The following CLASP2 variants were observed in gnomAD, a reference collection of about 807,000 sequenced individuals.
CLASP2 encodes the protein cytoplasmic linker associated protein 2.
A neutral mutation model predicts 194.4 loss-of-function variants in CLASP2; 47 were observed. The ratio of observed to expected loss-of-function variants is 0.24; its 90% CI spans 0.19 to 0.31. CLASP2 has a LOEUF of 0.31. Ranked by LOEUF, CLASP2 falls within the 10% of genes least tolerant of loss-of-function variation. The probability of loss-of-function intolerance (pLI) is 1.00; values close to 1 mark genes in which losing one functional copy is unlikely to be tolerated. For missense variants in CLASP2, 1,445 were observed against 1,823.6 expected (o/e 0.79, Z 3.78); for synonymous variants, 619 against 633.5 (o/e 0.98, Z 0.34).
chr3:33,608,142 A>T (rs1473603490), intron 14 of CLASP2, among the ~76,000 whole-genome samples: 1 of 152,192 alleles, frequency 6.6e-6, no homozygotes. Flanking sequence ...ATACTTGACC[A>T]ATGACATCTG....
intron 6 of CLASP2, among the ~76,000 whole-genome samples, chr3:33,676,484 A>G (rs1267571010): frequency 2.0e-5 from 3 of 150,840 alleles, no homozygotes; most frequent in Non-Finnish European, 4.4e-5. Context: ...CGGTGCTGGG[A>G]AAACTGGCTA....
rs144572034 is a variant in CLASP2 at position 33,530,462 on chromosome 3, C to T, written c.3787+4771G>A. Among the ~76,000 whole-genome samples, 568 of 152,044 alleles carry T rather than the reference C, an allele frequency of 3.7e-3. 11 individuals carry two copies. Among genetic ancestry groups the T allele is most frequent in the African/African-American group, 0.013 (520 of 41,468 alleles). ...TCCAGCCTAGGTGACAGAGTAAGAC[C>T]CTGTCTCAAAAATAAATAAACAAAT... is the stretch of plus-strand genomic sequence containing the variant. On this transcript the variant is annotated intron_variant, in intron 34 of 38. Coordinates refer to ENST00000682230, the MANE Select transcript of CLASP2 (RefSeq NM_001365631.1).
intron 10 of CLASP2, among the ~76,000 whole-genome samples, chr3:33,625,070 T>C (rs933963072): frequency 2.0e-5 from 3 of 151,472 alleles, no homozygotes; most frequent in African/African-American, 7.3e-5. Flanking sequence ...CCTACAAAAA[T>C]AAAAGCACCA....
intron 21 of CLASP2, among the ~76,000 whole-genome samples, chr3:33,589,424 A>AT (rs1368451986): frequency 6.6e-6 from 1 of 152,124 alleles, no homozygotes; most frequent in East Asian, 1.9e-4. Flanking sequence ...GCCCTAATGA[A>AT]TTACTTTATG....
intron 12 of CLASP2, among the ~76,000 whole-genome samples, chr3:33,615,612 G>C (rs1577234313): frequency 6.7e-6 from 1 of 149,224 alleles, no homozygotes. Flanking sequence ...TAAAACATAA[G>C]CTAGATTTAG....
chr3:33,567,147 CT>C (rs1162159338), intron 26 of CLASP2, among the ~76,000 whole-genome samples: 7 of 152,038 alleles, frequency 4.6e-5, no homozygotes, highest in East Asian at 1.9e-4. Context: ...TTTCTTTTCT[CT>C]TTTTTTTCCT....
At chr3:33,592,833 T>C (rs1369355313) in intron 20 of CLASP2, among the ~76,000 whole-genome samples, 2 of 152,210 alleles carry the variant, frequency 1.3e-5, no homozygotes, top group Non-Finnish European at 2.9e-5. Context: ...TCAGTTTCCA[T>C]GAAGTTCAGA....
chr3:33,607,532 T>C (rs1204011927), intron 14 of CLASP2, 71 bp from the exon 15 acceptor site: 11 of 989,136 alleles, frequency 1.1e-5, no homozygotes, highest in Non-Finnish European at 1.6e-5. Flanking sequence ...ACTTAAGGCC[T>C]ATATGTTACA....
At chr3:33,573,435 TTGA>T (rs1279792867) in intron 24 of CLASP2, 81 bp from the exon 25 acceptor site, 9 of 1,404,612 alleles carry the variant, frequency 6.4e-6, no homozygotes, top group Non-Finnish European at 8.9e-6. Context: ...CACAAAAGGA[TTGA>T]TTTTTGTTTT....
chr3:33,587,898 A>G (rs2067782126), intron 21 of CLASP2, among the ~76,000 whole-genome samples: 1 of 152,218 alleles, frequency 6.6e-6, no homozygotes, highest in South Asian at 2.1e-4. Flanking sequence ...GAGCACATAC[A>G]ATATGGTATT....
chr3:33,506,674 G>A (rs999686759), intron 37 of CLASP2, among the ~76,000 whole-genome samples: 27 of 152,028 alleles, frequency 1.8e-4, no homozygotes, highest in Admixed American at 2.0e-4. Flanking sequence ...TATGGTGTGA[G>A]GTAGGGGTTC....
chr3:33,693,202 AT>A (rs1157421009), intron 2 of CLASP2, among the ~76,000 whole-genome samples: 2 of 152,112 alleles, frequency 1.3e-5, no homozygotes, highest in African/African-American at 4.8e-5. Flanking sequence ...ATATTTAAGA[AT>A]TACATTAATA....
In CLASP2 at chr3:33,532,585, C is replaced by A. The variant is rs558705854; in HGVS notation, c.3787+2648G>T. Among the ~76,000 whole-genome samples, 431 of 152,136 alleles carry A rather than the reference C, an allele frequency of 2.8e-3. 1 individual carries two copies. The highest frequency in any genetic ancestry group is 9.9e-3 in the African/African-American group (411 of 41,518). ...AAAAAGATATTATTGGGACAGCTGG[C>A]AAAATTCTAATGGGGTTTTAAGGAT... On this transcript the variant is annotated intron_variant, in intron 34 of 38. Transcript: ENST00000682230.
At chr3:33,570,577 TTACGTATGA>T in intron 26 of CLASP2, 141 bp downstream of exon 26, 1 of 956,262 alleles carries the variant, frequency 1.0e-6, no homozygotes, top group South Asian at 1.5e-5. Flanking sequence ...AATTTCTAAA[TTACGTATGA>T]TACCAAACAA....
chr3:33,602,754 G>A lies in CLASP2; in HGVS notation c.1924+198C>T, dbSNP rs1025476419. 1.5e-4 allele frequency: 101 copies of A among 687,350 alleles called. No individual in the cohort carries two copies. In the Middle Eastern group the frequency reaches 2.4e-3, roughly 16 times the overall value. The allele number at this position is 687,350 out of a possible 1,614,324, so 42.6% of individuals were successfully genotyped here. A position where few individuals can be genotyped will look rare whatever the true frequency, so the allele number is the denominator to read the frequency against. On this transcript the variant is annotated intron_variant, in intron 18 of 38. Transcript: ENST00000682230. ...CAAGAATTGTTTCTTTGATCAAGAC[G>A]ATGATGAGAACAAGGGAAAAGGAGA...
At chr3:33,632,497 A>C (rs894193324) in intron 8 of CLASP2, 126 bp from the exon 9 acceptor site, 1 of 675,300 alleles carries the variant, frequency 1.5e-6, no homozygotes, top group Admixed American at 3.3e-5. Flanking sequence ...ATTCCATTTT[A>C]TAAGAAAGCA....
chr3:33,534,788 C>T (rs576637320), intron 34 of CLASP2, among the ~76,000 whole-genome samples: 42 of 152,194 alleles, frequency 2.8e-4, no homozygotes, highest in African/African-American at 9.4e-4. Flanking sequence ...AAATTCAAAT[C>T]CTAATGGTAA....
At chr3:33,642,877 C>T (rs1428092987) in intron 8 of CLASP2, among the ~76,000 whole-genome samples, 2 of 150,170 alleles carry the variant, frequency 1.3e-5, no homozygotes, top group Admixed American at 6.6e-5. Flanking sequence ...CCTGCAATTG[C>T]CAAAACGAAG....
At chr3:33,506,297 G>C (rs896791146) in intron 37 of CLASP2, among the ~76,000 whole-genome samples, 17 of 132,006 alleles carry the variant, frequency 1.3e-4, no homozygotes, top group African/African-American at 4.7e-4. Context: ...AGAATTGCTT[G>C]AACACAGGAG....
Sources: gnomAD v4.1 joint callset for allele counts (sites outside exome capture counted in the v4.1 genomes callset) on GRCh38, gnomAD v4.1.1 for gene constraint, MANE v1.5 for transcripts, NCBI Gene and HGNC (gene_info 2026-07-23, HGNC 2026-07-21) for gene names.